Variants in TBC1D30 observed in about 807,000 individuals in gnomAD.
TBC1D30 encodes the protein TBC1 domain family member 30.
A neutral mutation model predicts 63.2 loss-of-function variants in TBC1D30; 31 were observed. The observed-to-expected ratio is 0.49, with a 90% CI of 0.37 to 0.66. The LOEUF is 0.66. TBC1D30 is among the 30% of genes least tolerant of loss of function. TBC1D30 has a pLI of 0.00. For synonymous variants in TBC1D30, 307 were observed against 361.5 expected, an observed-to-expected ratio of 0.85 and a Z score of 1.71; for missense variants, 810 against 953.6, an observed-to-expected ratio of 0.85 and a Z score of 1.98.
chr12:64,825,341 G>T, intron 1 of TBC1D30: 2 of 352,238 alleles, frequency 5.7e-6, no homozygotes, highest in East Asian at 1.1e-4. Flanking sequence ...AGTGCGGGTG[G>T]CTGCCCGGGC....
intron 2 of TBC1D30, among the ~76,000 whole-genome samples, chr12:64,802,874 A>G (rs936894706): frequency 6.6e-6 from 1 of 151,912 alleles, no homozygotes; most frequent in Non-Finnish European, 1.5e-5. Context: ...TATGTGCCAC[A>G]TTTTCTTAAT....
intron 1 of TBC1D30, among the ~76,000 whole-genome samples, chr12:64,827,391 T>A (rs546039339): frequency 6.6e-6 from 1 of 152,318 alleles, no homozygotes; most frequent in East Asian, 1.9e-4. Flanking sequence ...CAAGGCTGCA[T>A]TGTGCTATGA....
chr12:64,863,244 A>G (rs1444533837), intron 8 of TBC1D30, among the ~76,000 whole-genome samples: 2 of 152,226 alleles, frequency 1.3e-5, no homozygotes, highest in African/African-American at 4.8e-5. Flanking sequence ...CTTCTCCCTG[A>G]TCTTATTCCC....
At chr12:64,821,544 T>C (rs1054777282), upstream of TBC1D30, among the ~76,000 whole-genome samples, 1 of 152,166 alleles carries the variant, frequency 6.6e-6, no homozygotes, top group Non-Finnish European at 1.5e-5. Context: ...GTGCATGCAG[T>C]TACCAACTTG....
chr12:64,843,518 G>A (rs1313341694), intron 8 of TBC1D30, 33 bp downstream of exon 8: 1 of 1,507,636 alleles, frequency 6.6e-7, no homozygotes, highest in Admixed American at 2.0e-5. Context: ...CTTGGCTCGG[G>A]GAACCCCGGG....
At chr12:64,834,707 CT>C (rs11374555) in intron 5 of TBC1D30, among the ~76,000 whole-genome samples, 340 of 76,332 alleles carry the variant, frequency 4.5e-3, no homozygotes, top group Middle Eastern at 0.013. Flanking sequence ...CCGTGCCGGG[CT>C]TTTTTTTTTT....
In TBC1D30 at chr12:64,870,605, CA is replaced by C; in HGVS notation, c.1298del (p.Asn433MetfsTer6). Reference sequence around the variant, plus strand: ...ATGTCTCATCCTTCGAGCGCAGAGCCAAATGAGGAGCAGAGTCTGAGATCTA... The same window carrying C: ...ATGTCTCATCCTTCGAGCGCAGAGCCAATGAGGAGCAGAGTCTGAGATCTA... ...LQKYQKQIKE[P>X]NEEQSLRSNN... On this transcript the variant is annotated frameshift_variant, in exon 11 of 12. Coordinates refer to ENST00000539867, the MANE Select transcript of TBC1D30 (RefSeq NM_015279.2). LOFTEE classifies it high-confidence loss of function. 1 of 1,536,128 alleles carries C rather than the reference CA, an allele frequency of 6.5e-7. No individual in the cohort carries two copies. The highest frequency in any genetic ancestry group is 8.7e-7 in the Non-Finnish European group (1 of 1,146,860).
At chr12:64,870,421 C>T (rs1878562723) in intron 10 of TBC1D30, among the ~76,000 whole-genome samples, 181 bp from the exon 11 acceptor site, 1 of 152,254 alleles carries the variant, frequency 6.6e-6, no homozygotes. Flanking sequence ...TAAGAAAATG[C>T]AGAAATATTT....
chr12:64,827,925 T>C, intron 2 of TBC1D30, 29 bp downstream of exon 2: 1 of 1,487,334 alleles, frequency 6.7e-7, no homozygotes, highest in Non-Finnish European at 9.1e-7. Context: ...ACACTCTTCT[T>C]TTGGGGTTAC....
chr12:64,814,051 G>GAAT (rs1351029715), intron 2 of TBC1D30, among the ~76,000 whole-genome samples: 1 of 152,068 alleles, frequency 6.6e-6, no homozygotes, highest in East Asian at 1.9e-4. Flanking sequence ...AGGTGTTAAG[G>GAAT]AAGGTACTTT....
rs905237750 is a variant in TBC1D30, at chr12:64,876,978, T to A, written c.*1190T>A. On this transcript the variant is annotated 3_prime_UTR_variant, in exon 12 of 12. Transcript: ENST00000539867. ...TCCAAGTGACTTAGCCACATTTCCTTCAGTGCAATAGGTGGGTTTAATGCT... is the reference window on the plus strand; with the variant it reads ...TCCAAGTGACTTAGCCACATTTCCTACAGTGCAATAGGTGGGTTTAATGCT... The A allele has an allele frequency of 2.6e-5, 12 of 453,566 alleles. No individual in the cohort carries two copies. Among genetic ancestry groups the A allele is most frequent in the Non-Finnish European group, 5.3e-5 (12 of 225,282 alleles). 28.1% of individuals were successfully genotyped at this position (453,566 alleles called of 1,614,324 possible).
At chr12:64,840,605 G>A (rs996248996) in intron 7 of TBC1D30, among the ~76,000 whole-genome samples, 3 of 152,166 alleles carry the variant, frequency 2.0e-5, no homozygotes, top group Non-Finnish European at 2.9e-5. Flanking sequence ...ATCCTATAAA[G>A]TACGCACTGT....
At chr12:64,816,547 A>G (rs1325754035) in intron 2 of TBC1D30, among the ~76,000 whole-genome samples, 7 of 152,172 alleles carry the variant, frequency 4.6e-5, no homozygotes. Context: ...TATCAGTTAA[A>G]TTGGTCTCAG....
rs936537203 is a variant in TBC1D30, at chr12:64,876,880, A to C, written c.*1092A>C. On this transcript the variant is annotated 3_prime_UTR_variant, in exon 12 of 12. Transcript: ENST00000539867. ...AGGGATAGCACCTCTTGTCTCCACT[A>C]TGCAGATGGGAACTCTGAGCCACAC... 2 of 456,024 alleles carry C rather than the reference A, an allele frequency of 4.4e-6. No individual in the cohort carries two copies. The highest frequency in any genetic ancestry group is 7.0e-5 in the East Asian group (1 of 14,386). The allele number at this position is 456,024 out of a possible 1,614,324, so 28.2% of individuals were successfully genotyped here.
intron 2 of TBC1D30, among the ~76,000 whole-genome samples, chr12:64,799,435 G>A (rs1466091701): frequency 1.3e-5 from 2 of 152,196 alleles, no homozygotes; most frequent in Non-Finnish European, 2.9e-5. Flanking sequence ...TCCCACTGTG[G>A]GAGGTTCAGA....
At chr12:64,859,516 G>A (rs1190326452) in intron 8 of TBC1D30, among the ~76,000 whole-genome samples, 1 of 152,192 alleles carries the variant, frequency 6.6e-6, no homozygotes, top group African/African-American at 2.4e-5. Flanking sequence ...CAGCAGGAAG[G>A]CCTGTGAGGA....
At chr12:64,786,413 C>T (rs536970119) in intron 2 of TBC1D30, among the ~76,000 whole-genome samples, 2 of 152,128 alleles carry the variant, frequency 1.3e-5, no homozygotes, top group Admixed American at 1.3e-4. Context: ...CTGAATACAA[C>T]CTCCGCCTCC....
At position 64,832,298 on chromosome 12, in the gene TBC1D30, C is replaced by T. The variant is rs1313964091; in HGVS notation, c.588C>T (p.Ala196=). 4 of 1,535,416 alleles carry T rather than the reference C, an allele frequency of 2.6e-6. No individual in the cohort carries two copies. The highest frequency in any genetic ancestry group is 1.2e-5 in the South Asian group (1 of 83,984). The change falls in exon 5 of 12, where the codon GCC becomes GCT. Residue 196 remains alanine (A), a synonymous_variant. Coordinates refer to ENST00000539867, the MANE Select transcript of TBC1D30 (RefSeq NM_015279.2). ...TGATGGAAGGCAATGAAGGGGATGC[C>T]CTGAAAGTGAGTAGCAGGCTCTGAC... ...LEVMEGNEGD[A]LKIMIYLIDK...
chr12:64,833,632 C>T (rs1430640236), intron 5 of TBC1D30, among the ~76,000 whole-genome samples: 1 of 152,076 alleles, frequency 6.6e-6, no homozygotes, highest in Non-Finnish European at 1.5e-5. Flanking sequence ...ACAAATGTTC[C>T]TCTTGGTTTT....
Sources: allele counts gnomAD v4.1 joint callset (sites outside exome capture counted in the v4.1 genomes callset), GRCh38; gene constraint gnomAD v4.1.1; transcripts MANE v1.5; gene names NCBI Gene and HGNC (gene_info 2026-07-23, HGNC 2026-07-21).